ZSCAN5B: variants seen among roughly 807,000 people sequenced by gnomAD.
ZSCAN5B encodes zinc finger and SCAN domain containing 5B, also known as zinc finger and SCAN domain-containing protein 5B.
A neutral mutation model predicts 25.2 loss-of-function variants in ZSCAN5B; 26 were observed. That is an observed-to-expected ratio of 1.03 (90% CI 0.76 to 1.43). The LOEUF is 1.43. Among genes scored for constraint, ZSCAN5B ranks in the 40% most tolerant of loss-of-function variants. The pLI is 0.00. For missense variants in ZSCAN5B, 745 were observed against 622.1 expected (o/e 1.20, Z -2.10); for synonymous variants, 244 against 240.9 (o/e 1.01, Z -0.12).
rs757776993 is a variant in ZSCAN5B, at chr19:56,193,101, G to A, written c.-49C>T. On this transcript the variant is annotated 5_prime_UTR_variant, in exon 2 of 5. Coordinates refer to ENST00000586855, the Ensembl canonical transcript of ZSCAN5B. ...AGCCTCTGAGCAAGCTCTTCCAGTAGCCAGTATCAAATTGAGACCTATTTA... is the reference window on the plus strand; with the variant it reads ...AGCCTCTGAGCAAGCTCTTCCAGTAACCAGTATCAAATTGAGACCTATTTA... The A allele has an allele frequency of 1.2e-5, 18 of 1,478,472 alleles. No homozygotes were observed. The Middle Eastern group carries it at 5.3e-4, about 44-fold the overall frequency. The allele number at this position is 1,478,472 out of a possible 1,614,324, so 91.6% of individuals were successfully genotyped here. A position where few individuals can be genotyped will look rare whatever the true frequency, so the allele number is the denominator to read the frequency against.
In ZSCAN5B at chr19:56,189,928, C is replaced by T. The variant is rs369165340; in HGVS notation, c.1387G>A (p.Gly463Arg). The T allele has an allele frequency of 5.7e-5, 92 of 1,613,890 alleles. No individual in the cohort carries two copies. The highest frequency in any genetic ancestry group is 1.3e-4 in the East Asian group (6 of 44,890). Residue 463 changes from glycine (G) to arginine (R), a missense_variant, in exon 5 of 5, where the codon GGA (glycine) becomes AGA (arginine). Transcript: ENST00000586855. ...GTGGGACATTTGTAGGGCTTCTCTC[C>T]GGAGTGGGTGCGCTGGTGAACGTTC...
intron 1 of ZSCAN5B, among the ~76,000 whole-genome samples, chr19:56,197,394 C>T (rs541080633): frequency 3.9e-5 from 6 of 152,218 alleles, no homozygotes; most frequent in Admixed American, 2.0e-4. Context: ...CCCGCCACCA[C>T]GCCCGGCTAA....
chr19:56,194,733 T>C (rs1391345032), intron 1 of ZSCAN5B, among the ~76,000 whole-genome samples: 1 of 152,114 alleles, frequency 6.6e-6, no homozygotes, highest in Non-Finnish European at 1.5e-5. Flanking sequence ...CTCTCCTTCT[T>C]CAGCCTAAGT....
chr19:56,190,180 CTG>C lies in ZSCAN5B; in HGVS notation c.1133_1134del (p.Thr378ArgfsTer8), dbSNP rs762110017. The C allele has an allele frequency of 6.2e-7, 1 of 1,614,032 alleles. No individual in the cohort carries two copies. Among genetic ancestry groups the C allele is most frequent in the Non-Finnish European group, 8.5e-7 (1 of 1,179,918 alleles). On this transcript the variant is annotated frameshift_variant, in exon 5 of 5. Coordinates refer to ENST00000586855, the Ensembl canonical transcript of ZSCAN5B. LOFTEE classifies it low-confidence loss of function (END_TRUNC). ...AGATCACATTGAAAGGGTCTGTCTCCTGTGTGTGACCTCCTGTGGATGCTTAG... is the reference window on the plus strand; with the variant it reads ...AGATCACATTGAAAGGGTCTGTCTCCTGTGTGACCTCCTGTGGATGCTTAG...
At chr19:56,194,983 A>G (rs2032791154) in intron 1 of ZSCAN5B, among the ~76,000 whole-genome samples, 3 of 152,188 alleles carry the variant, frequency 2.0e-5, no homozygotes, top group Admixed American at 6.5e-5. Context: ...TCCAGGCATC[A>G]ATTATCACCC....
exon 5 of ZSCAN5B, chr19:56,189,971 G>A (rs756211054): frequency 4.3e-6 from 7 of 1,614,006 alleles, no homozygotes; most frequent in Non-Finnish European, 5.9e-6. Context: ...CCTTGTGGCT[G>A]AAAACTTTGC....
exon 5 of ZSCAN5B, chr19:56,189,881 C>T (rs1329010079): frequency 6.2e-7 from 1 of 1,613,804 alleles, no homozygotes; most frequent in Admixed American, 1.7e-5. Context: ...ATGTCCCCAG[C>T]TGACGGAAGG....
intron 3 of ZSCAN5B, 55 bp from the exon 4 acceptor site, chr19:56,191,042 G>A: frequency 1.2e-6 from 2 of 1,611,294 alleles, no homozygotes; most frequent in Non-Finnish European, 1.7e-6. Context: ...GTGGAAGTAG[G>A]GACATGTCTG....
At chr19:56,193,130 A>G in exon 2 of ZSCAN5B, 1 of 1,415,798 alleles carries the variant, frequency 7.1e-7, no homozygotes, top group Non-Finnish European at 9.3e-7. Flanking sequence ...CTATTTACAC[A>G]GGCTGCCCCT....
rs1486205693 is a variant in ZSCAN5B, at chr19:56,191,902, GC to G, written c.535del (p.Ala179ProfsTer30). 11 of 1,613,730 alleles carry G rather than the reference GC, an allele frequency of 6.8e-6. No individual in the cohort carries two copies. The highest frequency in any genetic ancestry group is 1.6e-4 in the Middle Eastern group (1 of 6,082). ...GGGCAGGATCTGCTGCTCTCGGCGG[GC>G]CTGGCCTGTCCCCGGATGCATCTGG... On this transcript the variant is annotated frameshift_variant, in exon 3 of 5. Coordinates refer to ENST00000586855, the Ensembl canonical transcript of ZSCAN5B. LOFTEE classifies it high-confidence loss of function.
chr19:56,197,765 G>C (rs950661812), exon 1 of ZSCAN5B: 7 of 985,326 alleles, frequency 7.1e-6, no homozygotes, highest in Non-Finnish European at 7.2e-6. Context: ...CGACCTTCTC[G>C]GTCTGGGATG....
At chr19:56,190,982 C>T in exon 4 of ZSCAN5B, 1 of 1,614,020 alleles carries the variant, frequency 6.2e-7, no homozygotes. Context: ...GCAGAAAGTC[C>T]TCTCCCTGAA....
At chr19:56,189,736 G>A in exon 5 of ZSCAN5B, 1 of 1,442,046 alleles carries the variant, frequency 6.9e-7, no homozygotes, top group Non-Finnish European at 9.3e-7. Context: ...TTCCTACCAA[G>A]TGCTTTATGT....
chr19:56,191,823 C>T, intron 3 of ZSCAN5B, 27 bp downstream of exon 3: 1 of 1,609,558 alleles, frequency 6.2e-7, no homozygotes, highest in South Asian at 1.1e-5. Context: ...CCACCTCTGC[C>T]CAGACACCAA....
chr19:56,197,681 A>G (rs551880375), intron 1 of ZSCAN5B, 53 bp downstream of exon 1: 31 of 950,770 alleles, frequency 3.3e-5, no homozygotes, highest in Middle Eastern at 1.1e-3. Context: ...TCTGAAACCA[A>G]CCCCCCGCAT....
Position 56,192,995 on chromosome 19 carries a change from AC to A in ZSCAN5B, c.57del (p.Ser20GlnfsTer26), listed in dbSNP as rs2032760648. ...GACGCCACAGACCGTGGAGTGTCTGACCCAGGGCTGTTGCAGGGTCCTCCCT... is the reference window on the plus strand; with the variant it reads ...GACGCCACAGACCGTGGAGTGTCTGACCAGGGCTGTTGCAGGGTCCTCCCT... On this transcript the variant is annotated frameshift_variant, in exon 2 of 5. Coordinates refer to ENST00000586855, the Ensembl canonical transcript of ZSCAN5B. LOFTEE classifies it high-confidence loss of function. 1 of 1,604,476 alleles carries A rather than the reference AC, an allele frequency of 6.2e-7. No individual in the cohort carries two copies. Among genetic ancestry groups the A allele is most frequent in the Admixed American group, 1.7e-5 (1 of 58,810 alleles).
chr19:56,189,827 T>C, exon 5 of ZSCAN5B: 1 of 1,603,454 alleles, frequency 6.2e-7, no homozygotes, highest in Non-Finnish European at 8.5e-7. Context: ...GACTCTGGAA[T>C]CACTGGGAGG....
chr19:56,196,713 C>T (rs958389575), intron 1 of ZSCAN5B, among the ~76,000 whole-genome samples: 5 of 152,188 alleles, frequency 3.3e-5, no homozygotes, highest in African/African-American at 1.2e-4. Context: ...CAGTGAACCG[C>T]GATTGTGCCA....
intron 1 of ZSCAN5B, among the ~76,000 whole-genome samples, chr19:56,194,297 T>C (rs1376925382): frequency 6.6e-6 from 1 of 152,062 alleles, no homozygotes; most frequent in Non-Finnish European, 1.5e-5. Flanking sequence ...TAGAGCGGTT[T>C]TTTCTTTTTT....
Sources: gnomAD v4.1 joint callset for allele counts (sites outside exome capture counted in the v4.1 genomes callset) on GRCh38, gnomAD v4.1.1 for gene constraint, MANE v1.5 for transcripts, NCBI Gene and HGNC (gene_info 2026-07-23, HGNC 2026-07-21) for gene names.